SCARA5: variants seen among roughly 807,000 people sequenced by gnomAD.
SCARA5 encodes scavenger receptor class A member 5.
A neutral mutation model predicts 46.3 loss-of-function variants in SCARA5; 45 were observed. The ratio of observed to expected loss-of-function variants is 0.97; its 90% CI spans 0.76 to 1.24. SCARA5 has a LOEUF of 1.24. Ranked by LOEUF, SCARA5 falls within the 50% of genes most tolerant of loss-of-function variation. SCARA5 has a pLI of 0.00. For missense variants in SCARA5, 680 were observed against 689.0 expected (o/e 0.99, Z 0.15); for synonymous variants, 333 against 306.5 (o/e 1.09, Z -0.90).
intron 3 of SCARA5, among the ~76,000 whole-genome samples, chr8:27,923,214 G>C (rs1190826192): frequency 6.6e-6 from 1 of 152,178 alleles, no homozygotes; most frequent in African/African-American, 2.4e-5. Flanking sequence ...AGAGCACCCC[G>C]GCAGCAGACT....
intron 7 of SCARA5, among the ~76,000 whole-genome samples, chr8:27,902,235 G>A (rs1807166683): frequency 6.6e-6 from 1 of 152,182 alleles, no homozygotes; most frequent in African/African-American, 2.4e-5. Flanking sequence ...CTCAGTCCCT[G>A]AGGGGAGGCT....
At chr8:27,958,612 A>G (rs573078986) in intron 3 of SCARA5, among the ~76,000 whole-genome samples, 3 of 152,356 alleles carry the variant, frequency 2.0e-5, no homozygotes, top group South Asian at 2.1e-4. Context: ...CTCCAACATG[A>G]TTGATAGCAC....
intron 3 of SCARA5, among the ~76,000 whole-genome samples, chr8:27,948,688 C>T (rs934428690): frequency 6.6e-6 from 1 of 152,140 alleles, no homozygotes; most frequent in Admixed American, 6.5e-5. Context: ...AACAGCTGAG[C>T]GCAGGAAGCC....
At chr8:27,883,185 C>T (rs1318688876) in intron 7 of SCARA5, among the ~76,000 whole-genome samples, 2 of 152,206 alleles carry the variant, frequency 1.3e-5, no homozygotes. Context: ...TAGTAGAGAG[C>T]CATTCCTGAG....
intron 3 of SCARA5, among the ~76,000 whole-genome samples, chr8:27,946,775 C>A (rs979475720): frequency 1.3e-5 from 2 of 152,162 alleles, no homozygotes; most frequent in African/African-American, 4.8e-5. Context: ...CCTCTTCATC[C>A]CAGTGAGTGG....
At chr8:27,974,676 A>T (rs1808496849) in intron 2 of SCARA5, among the ~76,000 whole-genome samples, 1 of 144,350 alleles carries the variant, frequency 6.9e-6, no homozygotes, top group Admixed American at 7.1e-5. Flanking sequence ...CACATTGTTC[A>T]CTGTAACAGG....
chr8:27,915,633 T>G (rs569408086), intron 4 of SCARA5, among the ~76,000 whole-genome samples: 1 of 152,322 alleles, frequency 6.6e-6, no homozygotes, highest in South Asian at 2.1e-4. Flanking sequence ...TCTAATAGAT[T>G]GTGTTTTTTC....
At chr8:27,907,115 G>T in intron 6 of SCARA5, 33 bp downstream of exon 6, 1 of 1,519,360 alleles carries the variant, frequency 6.6e-7, no homozygotes, top group Non-Finnish European at 9.1e-7. Flanking sequence ...GGGACTGGTG[G>T]TGAGGCTCAG....
intron 2 of SCARA5, among the ~76,000 whole-genome samples, chr8:27,972,010 C>A (rs1487887370): frequency 6.6e-6 from 1 of 152,064 alleles, no homozygotes; most frequent in African/African-American, 2.4e-5. Flanking sequence ...TAGTATCTTC[C>A]TATTATACAT....
Position 27,951,599 on chromosome 8 carries a change from G to A in SCARA5, c.241+14815C>T, listed in dbSNP as rs138056930. Among the ~76,000 whole-genome samples, 689 of 152,276 alleles carry A rather than the reference G, an allele frequency of 4.5e-3. 3 individuals carry two copies. The highest frequency in any genetic ancestry group is 7.9e-3 in the Non-Finnish European group (535 of 68,004). Reference sequence around the variant, plus strand: ...GGCTGGACCTCCGGTGCAGAGGCCCGTCCCGTCCTGCACGGTGCCATCAGC... The same window carrying A: ...GGCTGGACCTCCGGTGCAGAGGCCCATCCCGTCCTGCACGGTGCCATCAGC... On this transcript the variant is annotated intron_variant, in intron 3 of 8. Transcript: ENST00000354914.
chr8:27,896,030 T>C lies in SCARA5; in HGVS notation c.1153+8748A>G, dbSNP rs116946018. ...CCCAGAAGCTCTGCTTAGAGCTGGA[T>C]TTGTAGGAATTTCCTGGGTGGCCTG... On this transcript the variant is annotated intron_variant, in intron 7 of 8. Coordinates refer to ENST00000354914, the MANE Select transcript of SCARA5 (RefSeq NM_173833.6). 6.5e-3 allele frequency among the ~76,000 whole-genome samples: 988 copies of C among 152,232 alleles called. 7 individuals carry two copies. The highest frequency in any genetic ancestry group is 9.8e-3 in the Non-Finnish European group (664 of 68,004).
At chr8:27,911,680 G>A (rs2685345) in intron 4 of SCARA5, among the ~76,000 whole-genome samples, 84,620 of 151,698 alleles carry the variant, frequency 0.56, 24,225 homozygotes, top group Non-Finnish European at 0.63. Flanking sequence ...GACAAGAGTG[G>A]AACTCTGTCT....
intron 3 of SCARA5, among the ~76,000 whole-genome samples, chr8:27,947,154 G>A (rs1385302009): frequency 3.3e-5 from 5 of 152,024 alleles, no homozygotes; most frequent in African/African-American, 1.2e-4. Flanking sequence ...TGGGACTATA[G>A]GTATGCACTA....
At chr8:27,950,672 G>A (rs929563150) in intron 3 of SCARA5, among the ~76,000 whole-genome samples, 6 of 152,062 alleles carry the variant, frequency 3.9e-5, no homozygotes, top group South Asian at 4.1e-4. Context: ...GTTGGGAAGC[G>A]GCCAGAGGGA....
intron 3 of SCARA5, among the ~76,000 whole-genome samples, chr8:27,963,127 C>T (rs1211518553): frequency 6.6e-6 from 1 of 152,168 alleles, no homozygotes; most frequent in Non-Finnish European, 1.5e-5. Context: ...ATCTACAGAG[C>T]TGTCTCAGGA....
intron 3 of SCARA5, among the ~76,000 whole-genome samples, chr8:27,927,381 A>G (rs969812423): frequency 1.3e-5 from 2 of 152,200 alleles, no homozygotes; most frequent in African/African-American, 4.8e-5. Context: ...TAGTCACATA[A>G]ACCTAAACAA....
At chr8:27,982,423 C>T (rs956433985) in intron 2 of SCARA5, among the ~76,000 whole-genome samples, 3 of 152,046 alleles carry the variant, frequency 2.0e-5, no homozygotes, top group Non-Finnish European at 4.4e-5. Context: ...ATCACCGGTG[C>T]CTGGGGTTCT....
At chr8:27,989,503 A>T (rs115242927) in intron 1 of SCARA5, among the ~76,000 whole-genome samples, 1,810 of 152,268 alleles carry the variant, frequency 0.012, 45 homozygotes, top group African/African-American at 0.041. Flanking sequence ...ACCAGAACTG[A>T]CCAGTCACTG....
intron 7 of SCARA5, among the ~76,000 whole-genome samples, chr8:27,884,286 T>A (rs903294096): frequency 3.3e-5 from 5 of 151,662 alleles, no homozygotes; most frequent in African/African-American, 1.2e-4. Context: ...AACAGAGAGA[T>A]CCTGGAGAAG....
Sources: gnomAD v4.1 joint callset for allele counts (sites outside exome capture counted in the v4.1 genomes callset) on GRCh38, gnomAD v4.1.1 for gene constraint, MANE v1.5 for transcripts, NCBI Gene and HGNC (gene_info 2026-07-23, HGNC 2026-07-21) for gene names.